The following ZNF536 variants were observed in gnomAD, a reference collection of about 807,000 sequenced individuals.
The protein encoded by ZNF536 is zinc finger protein 536.
ZNF536 carries 13 observed loss-of-function variants against 84.5 expected under a neutral mutation model. That is an observed-to-expected ratio of 0.15 (90% CI 0.10 to 0.24). The LOEUF is 0.24. Among genes scored for constraint, ZNF536 ranks in the 10% least tolerant of loss-of-function variants. The pLI is 1.00. For synonymous variants in ZNF536, 811 were observed against 742.5 expected, an observed-to-expected ratio of 1.09 and a Z score of -1.50; for missense variants, 1,536 against 1,747.5, an observed-to-expected ratio of 0.88 and a Z score of 2.16.
intron 1 of ZNF536, among the ~76,000 whole-genome samples, chr19:30,695,497 G>A (rs940253901): frequency 2.6e-5 from 4 of 152,178 alleles, no homozygotes; most frequent in African/African-American, 4.8e-5. Flanking sequence ...CCTGAGAACC[G>A]CTTCTAGGAG....
chr19:30,245,678 T>C (rs910194972), intron 1 of ZNF536, among the ~76,000 whole-genome samples: 4 of 152,240 alleles, frequency 2.6e-5, no homozygotes, highest in African/African-American at 9.6e-5. Context: ...ATTGAAAATA[T>C]ATTAGCGTTA....
At position 30,466,582 on chromosome 19, in the gene ZNF536, GAA is replaced by G. The variant is rs1491120994; in HGVS notation, c.2170+20852_2170+20853del. 7.0e-5 allele frequency among the ~76,000 whole-genome samples: 10 copies of G among 143,448 alleles called. No homozygotes were observed. In the South Asian group the frequency reaches 1.2e-3, roughly 18 times the overall value. 94.1% of individuals were successfully genotyped at this position (143,448 alleles called of 152,430 possible). A position where few individuals can be genotyped will look rare whatever the true frequency, so the allele number is the denominator to read the frequency against. The stretch of plus-strand genomic sequence containing the variant: ...TGTTAGAAAGAAAGAAAGAAAGAAA[GAA>G]AGAGAGAGAGAGAGAGAGAAAGAAA... On this transcript the variant is annotated intron_variant, in intron 2 of 4. Coordinates refer to ENST00000355537, the MANE Select transcript of ZNF536 (RefSeq NM_014717.3).
At chr19:30,532,536 C>T (rs935704949) in intron 2 of ZNF536, among the ~76,000 whole-genome samples, 1 of 152,202 alleles carries the variant, frequency 6.6e-6, no homozygotes, top group African/African-American at 2.4e-5. Context: ...GATTGGCCTC[C>T]TAACTTAAAT....
chr19:30,519,995 A>G (rs969864855), intron 2 of ZNF536, among the ~76,000 whole-genome samples: 1 of 152,220 alleles, frequency 6.6e-6, no homozygotes, highest in African/African-American at 2.4e-5. Context: ...AGAGCAAATG[A>G]CATTGGAGCT....
intron 2 of ZNF536, among the ~76,000 whole-genome samples, chr19:30,524,462 AG>A (rs2145775044): frequency 6.6e-6 from 1 of 152,326 alleles, no homozygotes; most frequent in East Asian, 1.9e-4. Flanking sequence ...AATGAAAGAT[AG>A]TGCAAGGTGC....
intron 3 of ZNF536, among the ~76,000 whole-genome samples, chr19:30,545,863 T>C (rs796462122): frequency 2.6e-5 from 4 of 152,230 alleles, no homozygotes; most frequent in South Asian, 4.1e-4. Flanking sequence ...GCTTTCTCTA[T>C]GGCCCCTTTG....
chr19:30,344,695 G>T (rs376043083), intron 2 of ZNF536, among the ~76,000 whole-genome samples: 1 of 152,086 alleles, frequency 6.6e-6, no homozygotes, highest in Non-Finnish European at 1.5e-5. Context: ...TAAAGGCTGG[G>T]CCCATGGTGG....
intron 1 of ZNF536, among the ~76,000 whole-genome samples, chr19:30,260,003 G>A (rs1222375524): frequency 6.0e-5 from 9 of 149,354 alleles, no homozygotes; most frequent in Non-Finnish European, 4.4e-5. Flanking sequence ...GACCTCAAGT[G>A]ATCCACCTGC....
At chr19:30,621,238 A>G (rs1391717519) in intron 1 of ZNF536, among the ~76,000 whole-genome samples, 1 of 151,978 alleles carries the variant, frequency 6.6e-6, no homozygotes, top group Non-Finnish European at 1.5e-5. Flanking sequence ...TGAAGCAGTT[A>G]GGTATTATTA....
At chr19:30,594,317 G>T (rs1210488338) in intron 1 of ZNF536, among the ~76,000 whole-genome samples, 1 of 152,192 alleles carries the variant, frequency 6.6e-6, no homozygotes, top group African/African-American at 2.4e-5. Context: ...GGCATGTGCA[G>T]AAAGGCAGGG....
At chr19:30,572,624 C>T (rs769462205) in intron 1 of ZNF536, among the ~76,000 whole-genome samples, 2 of 152,200 alleles carry the variant, frequency 1.3e-5, no homozygotes, top group Admixed American at 6.5e-5. Context: ...ACAGCGTTGG[C>T]AGATGGTCGC....
rs2045637020 is a variant in ZNF536 at position 30,548,353 on chromosome 19, G to A, written c.2734G>A (p.Val912Met). 1 of 1,614,038 alleles carries A rather than the reference G, an allele frequency of 6.2e-7. No homozygotes were observed. Among genetic ancestry groups the A allele is most frequent in the Non-Finnish European group, 8.5e-7 (1 of 1,179,982 alleles). ...TTATCAAAGCATTGTGAGCAACGGT[G>A]TGAATTTCCAAGGGTCCTTGCAAGC... is the stretch of plus-strand genomic sequence containing the variant. ...RAYQSIVSNG[V>M]NFQGSLQAFM... The change falls in exon 4 of 5, where the codon GTG becomes ATG. Residue 912 changes from valine to methionine, a missense_variant. By Grantham distance (21) the Val-to-Met change is conservative. This residue lies in a region of ZNF536 where 624 missense variants were observed against 603.1 expected (regional missense o/e 1.03). Coordinates refer to ENST00000355537, the MANE Select transcript of ZNF536 (RefSeq NM_014717.3).
At chr19:30,662,462 A>C (rs957996930) in intron 1 of ZNF536, among the ~76,000 whole-genome samples, 1 of 152,186 alleles carries the variant, frequency 6.6e-6, no homozygotes, top group African/African-American at 2.4e-5. Context: ...AAGTGGCCTG[A>C]ATTTTATCTG....
At chr19:30,575,603 C>G (rs1023823624) in intron 1 of ZNF536, among the ~76,000 whole-genome samples, 1 of 152,226 alleles carries the variant, frequency 6.6e-6, no homozygotes, top group Non-Finnish European at 1.5e-5. Context: ...GCAAAAACTC[C>G]TCCCTGCCTT....
chr19:30,682,296 C>T (rs1288995772), intron 1 of ZNF536, among the ~76,000 whole-genome samples: 1 of 152,048 alleles, frequency 6.6e-6, no homozygotes. Context: ...GGACTCGAGG[C>T]GAGGATGTGT....
intron 1 of ZNF536, among the ~76,000 whole-genome samples, chr19:30,674,757 C>A (rs540989621): frequency 6.6e-6 from 1 of 152,276 alleles, no homozygotes; most frequent in East Asian, 1.9e-4. Context: ...TCAATAAAAG[C>A]CTCCTGTATA....
intron 1 of ZNF536, among the ~76,000 whole-genome samples, chr19:30,252,191 A>G (rs2024649183): frequency 6.6e-6 from 1 of 152,242 alleles, no homozygotes; most frequent in South Asian, 2.1e-4. Flanking sequence ...AACTTATGAA[A>G]AAATGCTCAA....
chr19:30,462,356 G>A (rs2053179729), intron 2 of ZNF536, among the ~76,000 whole-genome samples: 1 of 151,914 alleles, frequency 6.6e-6, no homozygotes, highest in Non-Finnish European at 1.5e-5. Flanking sequence ...GTGGGGATAT[G>A]GATATATTGG....
chr19:30,294,987 C>A (rs1332291062), intron 2 of ZNF536, among the ~76,000 whole-genome samples: 1 of 152,180 alleles, frequency 6.6e-6, no homozygotes, highest in Non-Finnish European at 1.5e-5. Context: ...CTGCAGGCTG[C>A]TACCTGAAGG....
Sources: allele counts gnomAD v4.1 joint callset (sites outside exome capture counted in the v4.1 genomes callset), GRCh38; gene constraint gnomAD v4.1.1; regional missense constraint gnomAD v4.1.1; transcripts MANE v1.5; gene names NCBI Gene and HGNC (gene_info 2026-07-23, HGNC 2026-07-21).